The following N4BP3 variants were observed in gnomAD, a reference collection of about 807,000 sequenced individuals.
The protein encoded by N4BP3 is NEDD4-binding protein 3.
N4BP3 carries 33 observed loss-of-function variants against 43.8 expected under a neutral mutation model. That is an observed-to-expected ratio of 0.75 (90% confidence interval 0.57 to 1.01). N4BP3 has a LOEUF of 1.01. N4BP3 is among the 50% of genes least tolerant of loss of function. The pLI is 0.00. For missense variants in N4BP3, 756 were observed against 744.2 expected (o/e 1.02, Z -0.18); for synonymous variants, 326 against 321.9 (o/e 1.01, Z -0.14).
At chr5:178,114,559 C>T (rs1379560254) in intron 1 of N4BP3, among the ~76,000 whole-genome samples, 1 of 152,114 alleles carries the variant, frequency 6.6e-6, no homozygotes, top group East Asian at 1.9e-4. Flanking sequence ...CACTGGGCCA[C>T]CCCCCGACCC....
chr5:178,120,520 G>A lies in N4BP3; in HGVS notation c.673G>A (p.Ala225Thr). The A allele has an allele frequency of 6.2e-7, 1 of 1,613,062 alleles. No homozygotes were observed. The highest frequency in any genetic ancestry group is 8.5e-7 in the Non-Finnish European group (1 of 1,180,012). The change falls in exon 3 of 5, where the codon GCC becomes ACC. Residue 225 changes from alanine to threonine, a missense_variant. Coordinates refer to ENST00000274605, the MANE Select transcript of N4BP3 (RefSeq NM_015111.2). The part of the protein sequence containing the change: ...LNHLGGSLDR[A>T]SQGPKEAGPP... The stretch of plus-strand genomic sequence containing the variant: ...CCACCTCGGGGGCTCCCTGGACCGG[G>A]CCTCTCAAGGACCCAAGGAGGCTGG...
At position 178,123,470 on chromosome 5, in the gene N4BP3, GC is replaced by G. The variant is rs1010398708; in HGVS notation, c.*1473del. 4 of 152,526 alleles carry G rather than the reference GC, an allele frequency of 2.6e-5. No individual in the cohort carries two copies. The highest frequency in any genetic ancestry group is 5.9e-5 in the Non-Finnish European group (4 of 68,118). The allele number at this position is 152,526 out of a possible 1,614,324, so 9.4% of individuals were successfully genotyped here. ...ACTTCTGAGAAGTTATCTGCAGAGA[GC>G]CCCACCTCACTCCCTTTGGCTACCC... On this transcript the variant is annotated 3_prime_UTR_variant, in exon 5 of 5. Coordinates refer to ENST00000274605, the MANE Select transcript of N4BP3 (RefSeq NM_015111.2).
At chr5:178,116,342 G>A (rs1757771548) in intron 1 of N4BP3, among the ~76,000 whole-genome samples, 1 of 152,050 alleles carries the variant, frequency 6.6e-6, no homozygotes, top group African/African-American at 2.4e-5. Flanking sequence ...AGGGAGGAGT[G>A]TCCTGAAAGC....
downstream of N4BP3, among the ~76,000 whole-genome samples, chr5:178,126,870 A>C (rs185423116): frequency 6.6e-6 from 1 of 152,136 alleles, no homozygotes; most frequent in African/African-American, 2.4e-5. Flanking sequence ...TCCTCCCCTC[A>C]ACCTCCTAGC....
At position 178,121,659 on chromosome 5, in the gene N4BP3, G is replaced by A; in HGVS notation, c.1293G>A (p.Glu431=). 6.2e-7 allele frequency: 1 copy of A among 1,612,292 alleles called. No homozygotes were observed. Among genetic ancestry groups the A allele is most frequent in the Non-Finnish European group, 8.5e-7 (1 of 1,179,852 alleles). Residue 431 remains glutamate, a synonymous_variant, in exon 5 of 5, where the codon GAG becomes GAA. Transcript: ENST00000274605. Reference sequence around the variant, plus strand: ...GCGAGGCTGTGCGCAGCCTGCAGGAGCAGGCCCCTCGGGAGGAAGCCCCAG... The same window carrying A: ...GCGAGGCTGTGCGCAGCCTGCAGGAACAGGCCCCTCGGGAGGAAGCCCCAG... ...RLREAVRSLQ[E]QAPREEAPGS...
Position 178,119,835 on chromosome 5 carries a change from C to A in N4BP3, c.252C>A (p.Ala84=). 6.2e-7 allele frequency: 1 copy of A among 1,613,218 alleles called. No homozygotes were observed. Among genetic ancestry groups the A allele is most frequent in the East Asian group, 2.2e-5 (1 of 44,878 alleles). ...CTCGGAACGAGCCTGCCGACTATGC[C>A]ACCCTCTACTACCGGGAACATTCTC... ...RAPRNEPADY[A]TLYYREHSRA... Residue 84 remains alanine (A), a synonymous_variant, in exon 2 of 5, where the codon GCC becomes GCA. Coordinates refer to ENST00000274605, the MANE Select transcript of N4BP3 (RefSeq NM_015111.2).
Position 178,113,776 on chromosome 5 carries a change from G to A in N4BP3, c.-31+5G>A. 2 of 151,928 alleles carry A rather than the reference G, an allele frequency of 1.3e-5. 1 individual carries two copies. Among genetic ancestry groups the A allele is most frequent in the Admixed American group, 1.3e-4 (2 of 15,270 alleles). 9.4% of individuals were successfully genotyped at this position (151,928 alleles called of 1,614,324 possible). A position where few individuals can be genotyped will look rare whatever the true frequency, so the allele number is the denominator to read the frequency against. On this transcript the variant is annotated splice_donor_5th_base_variant and intron_variant, in intron 1 of 4. Transcript: ENST00000274605. ...GGCGAGCGCGTCGCCACCATGGTAA[G>A]TGGGGCGCGCGAGGGGCTGGGGACC... is the stretch of plus-strand genomic sequence containing the variant.
Position 178,122,486 on chromosome 5 carries a change from CCCATGG to C in N4BP3, c.*489_*494del, listed in dbSNP as rs1234790061. On this transcript the variant is annotated 3_prime_UTR_variant, in exon 5 of 5. Coordinates refer to ENST00000274605, the MANE Select transcript of N4BP3 (RefSeq NM_015111.2). ...GCTGTTGACCTGGGCAGTAGCTCCT[CCCATGG>C]CCAGTGGTCAGTGGGAGGGTGTGCC... 6.1e-6 allele frequency: 1 copy of C among 163,466 alleles called. No homozygotes were observed. Among genetic ancestry groups the C allele is most frequent in the Non-Finnish European group, 1.3e-5 (1 of 74,354 alleles). The allele number at this position is 163,466 out of a possible 1,614,324, so 10.1% of individuals were successfully genotyped here.
At position 178,119,779 on chromosome 5, in the gene N4BP3, A is replaced by G. The variant is rs145353567; in HGVS notation, c.196A>G (p.Ser66Gly). The G allele has an allele frequency of 5.9e-3, 9,499 of 1,613,644 alleles. 36 individuals carry two copies. The highest frequency in any genetic ancestry group is 7.4e-3 in the Non-Finnish European group (8,687 of 1,180,028). The change falls in exon 2 of 5, where the codon AGC becomes GGC. Residue 66 changes from serine (S) to glycine (G), a missense_variant. Physicochemically the swap from Ser to Gly is moderately conservative, Grantham distance 56. Transcript: ENST00000274605. Reference protein sequence around the residue: ...LSYLHLPKKDSKSTKNTKRAP... With the variant: ...LSYLHLPKKDGKSTKNTKRAP... Reference sequence around the variant, plus strand: ...CTACCTGCACCTCCCCAAGAAGGACAGCAAGAGCACCAAGAACACCAAGCG... The same window carrying G: ...CTACCTGCACCTCCCCAAGAAGGACGGCAAGAGCACCAAGAACACCAAGCG...
At chr5:178,120,824 G>A (rs1452591247) in intron 3 of N4BP3, 125 bp downstream of exon 3, 7 of 1,339,122 alleles carry the variant, frequency 5.2e-6, no homozygotes, top group Non-Finnish European at 6.9e-6. Context: ...AGGGGGAGCT[G>A]GCTTGGCTTC....
In N4BP3 at chr5:178,119,696, G is replaced by T; in HGVS notation, c.113G>T (p.Gly38Val). The change falls in exon 2 of 5, where the codon GGC (glycine) becomes GTC (valine). Residue 38 changes from glycine (G) to valine (V), a missense_variant. Coordinates refer to ENST00000274605, the MANE Select transcript of N4BP3 (RefSeq NM_015111.2). ...CGGGCGGCACTTGCCGGGTCTCGGGGCTCCCGCCAGCCTGATGGGCTCCTC... is the reference window on the plus strand; with the variant it reads ...CGGGCGGCACTTGCCGGGTCTCGGGTCTCCCGCCAGCCTGATGGGCTCCTC... ...ELRAALAGSR[G>V]SRQPDGLLRK... 1 of 1,612,422 alleles carries T rather than the reference G, an allele frequency of 6.2e-7. No homozygotes were observed. The highest frequency in any genetic ancestry group is 8.5e-7 in the Non-Finnish European group (1 of 1,179,648).
intron 3 of N4BP3, 26 bp downstream of exon 3, chr5:178,120,725 C>T (rs780838651): frequency 1.9e-6 from 3 of 1,546,704 alleles, no homozygotes; most frequent in Non-Finnish European, 2.6e-6. Flanking sequence ...CCCTGGAGTC[C>T]TGTTCTGTGC....
Position 178,125,026 on chromosome 5 carries a change from AC to A in N4BP3, c.*3027del, listed in dbSNP as rs1758025118. 1 of 152,266 alleles carries A rather than the reference AC, an allele frequency of 6.6e-6. No individual in the cohort carries two copies. The highest frequency in any genetic ancestry group is 2.4e-5 in the African/African-American group (1 of 41,446). The allele number at this position is 152,266 out of a possible 1,614,324, so 9.4% of individuals were successfully genotyped here. A position where few individuals can be genotyped will look rare whatever the true frequency, so the allele number is the denominator to read the frequency against. On this transcript the variant is annotated 3_prime_UTR_variant, in exon 5 of 5. Coordinates refer to ENST00000274605, the MANE Select transcript of N4BP3 (RefSeq NM_015111.2). The stretch of plus-strand genomic sequence containing the variant: ...CTGGTGGGATGTGGAGTCAGGAGCA[AC>A]CAGAGACCCCCCAATACTAGAATGG...
At position 178,122,044 on chromosome 5, in the gene N4BP3, GC is replaced by G; in HGVS notation, c.*46del. On this transcript the variant is annotated 3_prime_UTR_variant, in exon 5 of 5. Coordinates refer to ENST00000274605, the MANE Select transcript of N4BP3 (RefSeq NM_015111.2). ...GACAGCAGCAACACTGTCAGAAGGT[GC>G]CCTGAGACGGCCGGCTCAGCCTTCC... is the stretch of plus-strand genomic sequence containing the variant. The G allele has an allele frequency of 6.5e-7, 1 of 1,528,806 alleles. No individual in the cohort carries two copies. Among genetic ancestry groups the G allele is most frequent in the South Asian group, 1.3e-5 (1 of 77,680 alleles). 94.7% of individuals were successfully genotyped at this position (1,528,806 alleles called of 1,614,324 possible).
chr5:178,115,612 G>A (rs1757754223), intron 1 of N4BP3, among the ~76,000 whole-genome samples: 1 of 152,246 alleles, frequency 6.6e-6, no homozygotes, highest in Non-Finnish European at 1.5e-5. Flanking sequence ...CGTGACCTTA[G>A]GCGTGTTACT....
downstream of N4BP3, among the ~76,000 whole-genome samples, chr5:178,126,447 G>C (rs1478273450): frequency 6.6e-6 from 1 of 151,852 alleles, no homozygotes; most frequent in East Asian, 1.9e-4. Context: ...CAAAGTGCTC[G>C]GATTATGGGC....
rs1757815761 is a variant in N4BP3 at position 178,118,166 on chromosome 5, C to A, written c.-30-1388C>A. 6.6e-6 allele frequency among the ~76,000 whole-genome samples: 1 copy of A among 152,156 alleles called. No individual in the cohort carries two copies. The highest frequency in any genetic ancestry group is 2.1e-4 in the South Asian group (1 of 4,830). The stretch of plus-strand genomic sequence containing the variant: ...TGGGCACTGGGCTGTGCAGAGGATC[C>A]CCAGGGGACTAGGTACCAGCCCTGC... On this transcript the variant is annotated intron_variant, in intron 1 of 4. Transcript: ENST00000274605. The surrounding 1 kb of genome is among the most constrained non-coding windows in gnomAD (Gnocchi z 5.4).
At chr5:178,126,424 C>T (rs1044811934), downstream of N4BP3, among the ~76,000 whole-genome samples, 2 of 152,038 alleles carry the variant, frequency 1.3e-5, no homozygotes. Flanking sequence ...GTGATCCACC[C>T]GCCTCAGCCT....
rs1265661016 is a variant in N4BP3 at position 178,120,312 on chromosome 5, C to T, written c.465C>T (p.His155=). ...SNGSLHTLAC[H]PPLSPGPRAS... is the part of the protein sequence containing the mutation. Reference sequence around the variant, plus strand: ...GCAGCCTGCACACGCTGGCCTGCCACCCGCCCCTGAGCCCCGGGCCCCGGG... The same window carrying T: ...GCAGCCTGCACACGCTGGCCTGCCATCCGCCCCTGAGCCCCGGGCCCCGGG... The change falls in exon 3 of 5, where the codon CAC becomes CAT. Residue 155 remains histidine, a synonymous_variant. Transcript: ENST00000274605. The T allele has an allele frequency of 1.2e-6, 2 of 1,609,516 alleles. No homozygotes were observed. Among genetic ancestry groups the T allele is most frequent in the South Asian group, 2.2e-5 (2 of 90,908 alleles).
Sources: gnomAD v4.1 joint callset for allele counts (sites outside exome capture counted in the v4.1 genomes callset) on GRCh38, gnomAD v4.1.1 for gene constraint, Gnocchi (gnomAD v3.1) non-coding constraint, MANE v1.5 for transcripts, NCBI Gene and HGNC (gene_info 2026-07-23, HGNC 2026-07-21) for gene names.